VGLL4: variants seen among roughly 807,000 people sequenced by gnomAD.
The protein encoded by VGLL4 is vestigial like family member 4.
In VGLL4, 7 loss-of-function variants were observed where a neutral mutation model predicts 21.0. The observed-to-expected ratio is 0.33, with a 90% confidence interval of 0.19 to 0.63. VGLL4 has a LOEUF of 0.63. Ranked by LOEUF, VGLL4 falls within the 20% of genes least tolerant of loss-of-function variation. The pLI, the probability that VGLL4 is intolerant of heterozygous loss-of-function variation, is 0.78. For missense variants in VGLL4, 394 were observed against 425.7 expected (o/e 0.93, Z 0.66); for synonymous variants, 222 against 173.2 (o/e 1.28, Z -2.21).
intron 2 of VGLL4, among the ~76,000 whole-genome samples, chr3:11,689,145 T>C (rs555205215): frequency 4.6e-5 from 7 of 151,930 alleles, no homozygotes; most frequent in Non-Finnish European, 1.0e-4. Flanking sequence ...AGGAAAAAAG[T>C]TTTCTTCTTT....
intron 3 of VGLL4, among the ~76,000 whole-genome samples, chr3:11,564,449 G>A (rs987493009): frequency 6.6e-6 from 1 of 152,014 alleles, no homozygotes; most frequent in Non-Finnish European, 1.5e-5. Flanking sequence ...AGAGAATCAG[G>A]CCTGCCACAG....
intron 2 of VGLL4, among the ~76,000 whole-genome samples, chr3:11,696,096 C>T (rs1057026400): frequency 1.4e-4 from 22 of 152,148 alleles, no homozygotes; most frequent in Non-Finnish European, 2.5e-4. Flanking sequence ...AATTCTCCCA[C>T]AGTTGCACAC....
Position 11,627,617 on chromosome 3 carries a change from AAT to A in VGLL4, c.82+15818_82+15819del, listed in dbSNP as rs1444559755. Among the ~76,000 whole-genome samples, 1,297 of 139,808 alleles carry A rather than the reference AAT, an allele frequency of 9.3e-3. 15 individuals carry two copies. The highest frequency in any genetic ancestry group is 0.033 in the African/African-American group (1,210 of 36,860). 91.7% of individuals were successfully genotyped at this position (139,808 alleles called of 152,430 possible). On this transcript the variant is annotated intron_variant, in intron 1 of 4. Coordinates refer to ENST00000430365, the MANE Select transcript of VGLL4 (RefSeq NM_001128219.3). ...TCTCAAAAAAAAAAAAAAAAAAAAAAATCAATGTTCTGAGAATAAGATCATCG... is the reference window on the plus strand; with the variant it reads ...TCTCAAAAAAAAAAAAAAAAAAAAAACAATGTTCTGAGAATAAGATCATCG...
In VGLL4 at chr3:11,704,383, CAAAAAAAA is replaced by C. The variant is rs57593843; in HGVS notation, c.-13-1344_-13-1337del. ...GGGCAACAAAAGGGAAACTCCGTCT[CAAAAAAAA>C]AAAAAAAAAAAAAAGAAAAAAAGAA... On this transcript the variant is annotated intron_variant, in intron 1 of 5. Transcript: ENST00000273038. Among the ~76,000 whole-genome samples, 253 of 69,172 alleles carry C rather than the reference CAAAAAAAA, an allele frequency of 3.7e-3. 2 individuals carry two copies. Among genetic ancestry groups the C allele is most frequent in the Middle Eastern group, 0.011 (1 of 90 alleles). The allele number at this position is 69,172 out of a possible 152,430, so 45.4% of individuals were successfully genotyped here.
At chr3:11,714,855 G>A (rs2076896889) in intron 1 of VGLL4, among the ~76,000 whole-genome samples, 1 of 152,204 alleles carries the variant, frequency 6.6e-6, no homozygotes, top group Non-Finnish European at 1.5e-5. Context: ...ATGAATTTGG[G>A]CTGGGCGCAG....
At chr3:11,562,285 C>G (rs1451959022) in intron 3 of VGLL4, among the ~76,000 whole-genome samples, 3 of 152,162 alleles carry the variant, frequency 2.0e-5, no homozygotes, top group African/African-American at 7.2e-5. Context: ...TCCTGAGCTG[C>G]TATCACAAAC....
upstream of VGLL4, chr3:11,720,866 T>G (rs980636441): frequency 1.3e-5 from 2 of 152,218 alleles, no homozygotes; most frequent in African/African-American, 2.4e-5. Context: ...AATTTTTTCC[T>G]GTCTTTCTCT....
chr3:11,661,409 G>A (rs1453087860), intron 2 of VGLL4, among the ~76,000 whole-genome samples: 1 of 151,702 alleles, frequency 6.6e-6, no homozygotes, highest in Non-Finnish European at 1.5e-5. Context: ...GGAAAGAATT[G>A]GAAAGTTATG....
intron 2 of VGLL4, among the ~76,000 whole-genome samples, chr3:11,574,921 CA>C (rs905232905): frequency 8.6e-5 from 13 of 151,498 alleles, no homozygotes; most frequent in African/African-American, 2.9e-4. Flanking sequence ...CGCCTACATA[CA>C]AAAGGGAAGA....
chr3:11,564,732 T>A (rs548385544), intron 3 of VGLL4, 65 bp downstream of exon 3: 50 of 1,469,644 alleles, frequency 3.4e-5, no homozygotes, highest in Non-Finnish European at 2.7e-6. Flanking sequence ...TGCTCGGGGC[T>A]CTCCATCCAG....
At chr3:11,593,705 A>G (rs987745585) in intron 2 of VGLL4, among the ~76,000 whole-genome samples, 4 of 152,212 alleles carry the variant, frequency 2.6e-5, no homozygotes, top group Admixed American at 2.6e-4. Flanking sequence ...ATACACACTC[A>G]AGGGCACACC....
chr3:11,675,947 A>G (rs2076282518), intron 2 of VGLL4, among the ~76,000 whole-genome samples: 1 of 152,176 alleles, frequency 6.6e-6, no homozygotes, highest in African/African-American at 2.4e-5. Flanking sequence ...AAAGATATAC[A>G]TTGCCTTCAA....
intron 2 of VGLL4, chr3:11,671,474 C>T (rs781451024): frequency 2.4e-5 from 16 of 680,512 alleles, no homozygotes; most frequent in Non-Finnish European, 2.4e-5. Flanking sequence ...TCCCAGGACC[C>T]CCAGGTGTAC....
intron 2 of VGLL4, among the ~76,000 whole-genome samples, chr3:11,669,824 G>T (rs1454191918): frequency 5.9e-5 from 9 of 152,100 alleles, no homozygotes; most frequent in African/African-American, 1.9e-4. Context: ...GGACTACAGG[G>T]CACACACCAC....
At chr3:11,615,747 G>A (rs749144979) in intron 1 of VGLL4, among the ~76,000 whole-genome samples, 1 of 152,100 alleles carries the variant, frequency 6.6e-6, no homozygotes, top group African/African-American at 2.4e-5. Context: ...CTGGATTAAA[G>A]ACAGGGTCCC....
chr3:11,701,733 T>TA (rs140233825), intron 2 of VGLL4, among the ~76,000 whole-genome samples: 1,957 of 152,360 alleles, frequency 0.013, 38 homozygotes, highest in African/African-American at 0.041. Context: ...ATACACTTGC[T>TA]GTCTGCCAAT....
intron 1 of VGLL4, among the ~76,000 whole-genome samples, chr3:11,629,824 A>G (rs2125314003): frequency 6.6e-6 from 1 of 152,278 alleles, no homozygotes; most frequent in East Asian, 1.9e-4. Context: ...GAAAAAACTC[A>G]AAGAATCTAA....
intron 2 of VGLL4, chr3:11,582,208 A>G: frequency 6.6e-7 from 1 of 1,509,636 alleles, no homozygotes; most frequent in South Asian, 1.2e-5. Context: ...AATTAATTAC[A>G]GCTGAAAATA....
chr3:11,644,017 A>G, upstream of VGLL4: 2 of 983,816 alleles, frequency 2.0e-6, no homozygotes, highest in African/African-American at 3.5e-5. Context: ...GCACAGGATC[A>G]GCCTCTCAAT....
Sources: allele counts gnomAD v4.1 joint callset (sites outside exome capture counted in the v4.1 genomes callset), GRCh38; gene constraint gnomAD v4.1.1; transcripts MANE v1.5; gene names NCBI Gene and HGNC (gene_info 2026-07-23, HGNC 2026-07-21).